The following TACC1 variants were observed in gnomAD, a reference collection of about 807,000 sequenced individuals.
TACC1 encodes the protein transforming acidic coiled-coil containing protein 1.
A neutral mutation model predicts 84.4 loss-of-function variants in TACC1; 48 were observed. The observed-to-expected ratio is 0.57, with a 90% CI of 0.45 to 0.72. The LOEUF is 0.72. Among genes scored for constraint, TACC1 ranks in the 30% least tolerant of loss-of-function variants. The pLI is 0.00. For missense variants in TACC1, 920 were observed against 973.0 expected (o/e 0.95, Z 0.72); for synonymous variants, 372 against 376.3 (o/e 0.99, Z 0.13).
chr8:38,781,517 G>A (rs1477045609), intron 3 of TACC1, among the ~76,000 whole-genome samples: 1 of 151,988 alleles, frequency 6.6e-6, no homozygotes, highest in African/African-American at 2.4e-5. Flanking sequence ...GAGTAGCTAG[G>A]ATGACAGGTG....
At chr8:38,779,863 A>T (rs1278520108) in intron 3 of TACC1, among the ~76,000 whole-genome samples, 1 of 152,250 alleles carries the variant, frequency 6.6e-6, no homozygotes, top group Non-Finnish European at 1.5e-5. Flanking sequence ...TGTAGGAGTA[A>T]GTGGGGGAGA....
At chr8:38,828,927 C>T (rs1828693304) in intron 5 of TACC1, among the ~76,000 whole-genome samples, 1 of 152,158 alleles carries the variant, frequency 6.6e-6, no homozygotes, top group South Asian at 2.1e-4. Flanking sequence ...TTTCCTGGTA[C>T]AGATGTGGTA....
chr8:38,842,422 A>C lies in TACC1; in HGVS notation c.2096A>C (p.Lys699Thr). 6.2e-7 allele frequency: 1 copy of C among 1,613,160 alleles called. No homozygotes were observed. Among genetic ancestry groups the C allele is most frequent in the Admixed American group, 1.7e-5 (1 of 59,750 alleles). The change falls in exon 10 of 13, where the codon AAA becomes ACA. Residue 699 changes from lysine (K) to threonine (T), a missense_variant. Around this residue, in one of 2 missense-constraint regions of TACC1, gnomAD observed 158 missense variants for 225.6 expected, o/e 0.70. Transcript: ENST00000317827. ...CTCTTCAGGAGATATGAGAACCTGA[A>C]AGGTGTTCTGGAAGGGTTCAAGAAG... ...SDLFRRYENL[K>T]GVLEGFKKNE... is the part of the protein sequence containing the mutation.
At chr8:38,809,130 C>T (rs1823459364) in intron 2 of TACC1, among the ~76,000 whole-genome samples, 1 of 152,092 alleles carries the variant, frequency 6.6e-6, no homozygotes, top group South Asian at 2.1e-4. Context: ...TTCTGCATTC[C>T]ACCATGACAG....
rs1014329805 is a variant in TACC1, at chr8:38,765,876, A to AT, written c.26+20393dup. 9.8e-5 allele frequency among the ~76,000 whole-genome samples: 14 copies of AT among 142,318 alleles called. No individual in the cohort carries two copies. In the South Asian group the frequency reaches 1.5e-3, roughly 16 times the overall value. The allele number at this position is 142,318 out of a possible 152,430, so 93.4% of individuals were successfully genotyped here. A position where few individuals can be genotyped will look rare whatever the true frequency, so the allele number is the denominator to read the frequency against. On this transcript the variant is annotated intron_variant, in intron 3 of 14. Coordinates refer to the TACC1 transcript ENST00000518415. ...ATCTATAACTGAGCTTTTCTCATAG[A>AT]TTTTTTTTTTACCAGCCTAGCCAAT...
At chr8:38,782,032 T>TA (rs1488398178) in intron 3 of TACC1, among the ~76,000 whole-genome samples, 19 of 151,768 alleles carry the variant, frequency 1.3e-4, no homozygotes, top group African/African-American at 3.9e-4. Context: ...TTTCTTTTAT[T>TA]ATTATACTTT....
intron 3 of TACC1, among the ~76,000 whole-genome samples, chr8:38,774,783 C>A (rs532695134): frequency 6.6e-6 from 1 of 152,088 alleles, no homozygotes; most frequent in African/African-American, 2.4e-5. Context: ...GAGGCCGAGG[C>A]GGGCGGATCA....
intron 3 of TACC1, among the ~76,000 whole-genome samples, chr8:38,779,116 A>G (rs1815436648): frequency 6.6e-6 from 1 of 152,038 alleles, no homozygotes; most frequent in Non-Finnish European, 1.5e-5. Context: ...CTGGGACTAC[A>G]GGCGAACACC....
chr8:38,825,203 A>G, intron 3 of TACC1, 105 bp from the exon 4 acceptor site: 2 of 1,168,052 alleles, frequency 1.7e-6, no homozygotes, highest in Admixed American at 1.7e-5. Flanking sequence ...GTGGTGCTGT[A>G]TGCTTTGGCT....
At chr8:38,836,454 A>T (rs1182511174) in intron 7 of TACC1, among the ~76,000 whole-genome samples, 167 bp downstream of exon 7, 1 of 152,176 alleles carries the variant, frequency 6.6e-6, no homozygotes, top group Non-Finnish European at 1.5e-5. Flanking sequence ...GTGGTGCTGG[A>T]GTCCTGACAT....
intron 2 of TACC1, among the ~76,000 whole-genome samples, chr8:38,807,219 C>G (rs1431917539): frequency 2.0e-5 from 3 of 152,274 alleles, no homozygotes; most frequent in African/African-American, 7.2e-5. Flanking sequence ...CTTCCCTTCC[C>G]CAGAGATGGA....
intron 3 of TACC1, among the ~76,000 whole-genome samples, chr8:38,759,557 T>C (rs1439576643): frequency 1.3e-5 from 2 of 152,222 alleles, no homozygotes; most frequent in Non-Finnish European, 2.9e-5. Flanking sequence ...TCTCTCTTCA[T>C]TGAGGCTCTG....
At chr8:38,770,287 G>T (rs181704414) in intron 3 of TACC1, among the ~76,000 whole-genome samples, 23 of 152,152 alleles carry the variant, frequency 1.5e-4, no homozygotes, top group African/African-American at 5.1e-4. Context: ...TTTTGATGCC[G>T]CATTGTTTAG....
chr8:38,744,314 C>T (rs940640163), intron 2 of TACC1, among the ~76,000 whole-genome samples: 1 of 152,120 alleles, frequency 6.6e-6, no homozygotes, highest in Non-Finnish European at 1.5e-5. Context: ...CGGGGATTCA[C>T]CATCTTGGCC....
chr8:38,732,823 G>C (rs1039389769), intron 1 of TACC1, among the ~76,000 whole-genome samples: 2 of 152,224 alleles, frequency 1.3e-5, no homozygotes, highest in African/African-American at 4.8e-5. Context: ...ATTTGGGTAT[G>C]AGTGCTTAAA....
At chr8:38,827,783 AGT>A (rs1204610176) in intron 5 of TACC1, 1 of 173,562 alleles carries the variant, frequency 5.8e-6, no homozygotes, top group African/African-American at 2.4e-5. Flanking sequence ...GCATGGCACC[AGT>A]GCCTGCTTCT....
chr8:38,834,579 G>A (rs180706095), intron 6 of TACC1, among the ~76,000 whole-genome samples: 58 of 152,212 alleles, frequency 3.8e-4, no homozygotes, highest in African/African-American at 1.3e-3. Context: ...ACTTCTGTTG[G>A]CATGGTGGGC....
intron 3 of TACC1, among the ~76,000 whole-genome samples, chr8:38,750,000 GA>G (rs370256685): frequency 5.3e-4 from 80 of 152,300 alleles, no homozygotes; most frequent in African/African-American, 1.8e-3. Context: ...ATAGTACTTA[GA>G]GGGAAATTTA....
At chr8:38,790,006 TA>T (rs1212467361) in intron 2 of TACC1, among the ~76,000 whole-genome samples, 1 of 152,208 alleles carries the variant, frequency 6.6e-6, no homozygotes, top group Non-Finnish European at 1.5e-5. Flanking sequence ...CGGCTTACAA[TA>T]ACAGAAATTA....
Sources: allele counts gnomAD v4.1 joint callset (sites outside exome capture counted in the v4.1 genomes callset), GRCh38; gene constraint gnomAD v4.1.1; regional missense constraint gnomAD v4.1.1; transcripts MANE v1.5; gene names NCBI Gene and HGNC (gene_info 2026-07-23, HGNC 2026-07-21).